The following APC variants were observed in gnomAD, a reference collection of about 807,000 sequenced individuals.
The protein encoded by APC is APC regulator of Wnt signaling pathway.
APC carries 72 observed loss-of-function variants against 247.0 expected under a neutral mutation model. That is an observed-to-expected ratio of 0.29 (90% CI 0.24 to 0.35). The LOEUF is 0.35. APC is among the 10% of genes least tolerant of loss of function. APC has a pLI of 1.00. For synonymous variants in APC, 1,254 were observed against 1,162.5 expected (o/e 1.08, Z -1.60); for missense variants, 3,400 against 3,360.7 (o/e 1.01, Z -0.29).
chr5:112,777,032 T>C (rs548463777), intron 5 of APC, among the ~76,000 whole-genome samples: 2 of 152,178 alleles, frequency 1.3e-5, no homozygotes, highest in Admixed American at 6.5e-5. Flanking sequence ...TTTATAGATA[T>C]GAATTCTGAT....
At chr5:112,733,477 A>G (rs948422267), upstream of APC, among the ~76,000 whole-genome samples, 1 of 152,190 alleles carries the variant, frequency 6.6e-6, no homozygotes, top group Non-Finnish European at 1.5e-5. Context: ...GTCCTGCAGA[A>G]TGAGAAAGAC....
chr5:112,753,340 A>C (rs558260647), intron 1 of APC, among the ~76,000 whole-genome samples: 1 of 152,178 alleles, frequency 6.6e-6, no homozygotes, highest in Non-Finnish European at 1.5e-5. Context: ...GGTGAACCCT[A>C]TATCTTACTG....
chr5:112,777,795 C>T, intron 5 of APC: 1 of 256,392 alleles, frequency 3.9e-6, no homozygotes, highest in Non-Finnish European at 8.2e-6. Flanking sequence ...TTCTCCACTG[C>T]TGTCTGTGGC....
chr5:112,793,418 C>T (rs1759862642), intron 7 of APC, among the ~76,000 whole-genome samples: 2 of 152,102 alleles, frequency 1.3e-5, no homozygotes, highest in East Asian at 3.9e-4. Flanking sequence ...AACCCTGATT[C>T]TGCTGAGAGA....
At position 112,835,654 on chromosome 5, in the gene APC, CCT is replaced by C. The variant is rs556930419; in HGVS notation, c.1958+491_1958+492del. ...GTGTTGTGATCTTGGCTCACTGCAA[CCT>C]CCACCTCCTGGGTTCAAGCGATTCT... On this transcript the variant is annotated intron_variant, in intron 15 of 15. Coordinates refer to ENST00000257430, the MANE Select transcript of APC (RefSeq NM_000038.6). 3.4e-4 allele frequency among the ~76,000 whole-genome samples: 52 copies of C among 151,224 alleles called. No individual in the cohort carries two copies. In the East Asian group the frequency reaches 9.5e-3, roughly 28 times the overall value.
rs377384463 is a variant in APC, at chr5:112,838,540, G to T, written c.2946G>T (p.Ser982=). The change falls in exon 16 of 16, where the codon TCG becomes TCT. Residue 982 remains serine (S), a synonymous_variant. Coordinates refer to ENST00000257430, the MANE Select transcript of APC (RefSeq NM_000038.6). ...GYGKRGQMKP[S]IESYSEDDES... is the part of the protein sequence containing the mutation. Reference sequence around the variant, plus strand: ...GTAAAAGAGGTCAAATGAAACCCTCGATTGAATCCTATTCTGAAGATGATG... The same window carrying T: ...GTAAAAGAGGTCAAATGAAACCCTCTATTGAATCCTATTCTGAAGATGATG... 6.2e-7 allele frequency: 1 copy of T among 1,614,140 alleles called. No homozygotes were observed. The highest frequency in any genetic ancestry group is 8.5e-7 in the Non-Finnish European group (1 of 1,180,030).
intron 1 of APC, among the ~76,000 whole-genome samples, chr5:112,719,681 C>T (rs964966784): frequency 3.3e-5 from 5 of 151,106 alleles, no homozygotes; most frequent in East Asian, 3.9e-4. Context: ...ATGACAGGTG[C>T]GCACCATCAC....
chr5:112,817,164 C>G (rs1440570176), intron 9 of APC, among the ~76,000 whole-genome samples: 1 of 152,084 alleles, frequency 6.6e-6, no homozygotes, highest in African/African-American at 2.4e-5. Context: ...GTGACCACAC[C>G]CGGCCCATCA....
At chr5:112,713,314 G>A (rs977594353) in intron 1 of APC, among the ~76,000 whole-genome samples, 2 of 152,060 alleles carry the variant, frequency 1.3e-5, no homozygotes, top group Non-Finnish European at 2.9e-5. Flanking sequence ...CTTAACTTTG[G>A]GCTCAGACTT....
chr5:112,750,432 A>G (rs914095366), intron 1 of APC, among the ~76,000 whole-genome samples: 12 of 150,118 alleles, frequency 8.0e-5, no homozygotes, highest in Admixed American at 1.3e-4. Context: ...GAGGGACCAC[A>G]TGAGGCATTA....
intron 1 of APC, among the ~76,000 whole-genome samples, chr5:112,720,636 C>G (rs556565268): frequency 9.9e-5 from 15 of 152,226 alleles, no homozygotes; most frequent in African/African-American, 3.6e-4. Context: ...AGGTCGTCAG[C>G]AAAGAGTGGC....
chr5:112,791,992 G>A (rs148523839), intron 6 of APC, among the ~76,000 whole-genome samples: 1 of 152,086 alleles, frequency 6.6e-6, no homozygotes, highest in African/African-American at 2.4e-5. Flanking sequence ...ACGCCTGTAA[G>A]CCCACAGCAC....
At chr5:112,795,359 A>G (rs889483434) in intron 7 of APC, among the ~76,000 whole-genome samples, 8 of 152,156 alleles carry the variant, frequency 5.3e-5, no homozygotes, top group African/African-American at 1.9e-4. Flanking sequence ...ACCAATCAGA[A>G]AGCTGCACTG....
intron 1 of APC, among the ~76,000 whole-genome samples, chr5:112,718,638 G>C (rs936086417): frequency 6.6e-6 from 1 of 152,184 alleles, no homozygotes; most frequent in Non-Finnish European, 1.5e-5. Context: ...TCACCTTTCT[G>C]GGTTCCTGAC....
At chr5:112,717,047 G>A (rs1349726517) in intron 1 of APC, among the ~76,000 whole-genome samples, 2 of 152,110 alleles carry the variant, frequency 1.3e-5, no homozygotes, top group Non-Finnish European at 2.9e-5. Flanking sequence ...GTCTCGCTGT[G>A]TTGCCCAGGC....
intron 8 of APC, among the ~76,000 whole-genome samples, chr5:112,811,874 C>G (rs1762013521): frequency 6.6e-6 from 1 of 152,174 alleles, no homozygotes; most frequent in Non-Finnish European, 1.5e-5. Flanking sequence ...TTCAGGGTCT[C>G]CCACAAGACT....
chr5:112,801,491 C>G, intron 8 of APC, 108 bp downstream of exon 8: 1 of 796,090 alleles, frequency 1.3e-6, no homozygotes, highest in South Asian at 1.6e-5. Flanking sequence ...TTTCTTAGTC[C>G]TGAATGCATA....
At chr5:112,804,439 A>G (rs1022482361) in intron 8 of APC, among the ~76,000 whole-genome samples, 22 of 152,046 alleles carry the variant, frequency 1.4e-4, no homozygotes, top group South Asian at 6.2e-4. Context: ...CTGGAGTGCA[A>G]TGGTGGGATC....
chr5:112,769,161 A>G (rs1384100650), intron 4 of APC, among the ~76,000 whole-genome samples: 1 of 139,072 alleles, frequency 7.2e-6, no homozygotes, highest in African/African-American at 2.7e-5. Flanking sequence ...AGCAATTCTC[A>G]TGTCTCAGCC....
Sources: gnomAD v4.1 joint callset for allele counts (sites outside exome capture counted in the v4.1 genomes callset) on GRCh38, gnomAD v4.1.1 for gene constraint, MANE v1.5 for transcripts, NCBI Gene and HGNC (gene_info 2026-07-23, HGNC 2026-07-21) for gene names.